The following MGST3 variants were observed in gnomAD, a reference collection of about 807,000 sequenced individuals.
MGST3 encodes the protein glutathione S-transferase 3, mitochondrial.
A neutral mutation model predicts 15.8 loss-of-function variants in MGST3; 13 were observed. The observed-to-expected ratio is 0.82, with a 90% CI of 0.54 to 1.31. The LOEUF is 1.31. MGST3 is among the 50% of genes most tolerant of loss of function. The pLI is 0.00. For missense variants in MGST3, 155 were observed against 192.4 expected (o/e 0.81, Z 1.15); for synonymous variants, 49 against 68.1 (o/e 0.72, Z 1.38).
rs957644 is a variant in MGST3, at chr1:165,646,920, C to T, written c.-7-2921C>T. 43,147 of 152,246 alleles carry T rather than the reference C, an allele frequency of 0.28. 7,126 individuals are homozygous for T. Among genetic ancestry groups the T allele is most frequent in the African/African-American group, 0.44 (18,358 of 41,500 alleles). 9.4% of individuals were successfully genotyped at this position (152,246 alleles called of 1,614,324 possible). ...CGCAGGCAGCTTTTCAGGCATTGCTCCTGCACCTATGCAGACGTGTCCATG... is the reference window on the plus strand; with the variant it reads ...CGCAGGCAGCTTTTCAGGCATTGCTTCTGCACCTATGCAGACGTGTCCATG... On this transcript the variant is annotated intron_variant, in intron 1 of 5. Transcript: ENST00000367889.
intron 5 of MGST3, 147 bp downstream of exon 5, chr1:165,654,498 C>T (rs1044947142): frequency 6.7e-6 from 5 of 750,608 alleles, no homozygotes; most frequent in Non-Finnish European, 1.2e-5. Context: ...GGATACCAGC[C>T]TGGGCAACAT....
chr1:165,645,937 T>TG (rs1648385521), intron 1 of MGST3: 1 of 152,212 alleles, frequency 6.6e-6, no homozygotes, highest in African/African-American at 2.4e-5. Context: ...TGTATTAAAG[T>TG]TCAGCTCAGA....
chr1:165,651,447 C>G (rs540912276), intron 3 of MGST3: 1 of 371,692 alleles, frequency 2.7e-6, no homozygotes, highest in Admixed American at 4.0e-5. Flanking sequence ...GGACCTTCCA[C>G]TTCCATTTGT....
intron 4 of MGST3, 145 bp downstream of exon 4, chr1:165,652,180 A>G: frequency 1.4e-6 from 1 of 726,548 alleles, no homozygotes; most frequent in South Asian, 1.5e-5. Flanking sequence ...ATTATTTCTT[A>G]CAGAGTTCTT....
In MGST3 at chr1:165,652,055, T is replaced by C. The variant is rs749681607; in HGVS notation, c.249+20T>C. The C allele has an allele frequency of 5.1e-6, 8 of 1,576,706 alleles. No homozygotes were observed. Among genetic ancestry groups the C allele is most frequent in the Non-Finnish European group, 7.0e-6 (8 of 1,146,212 alleles). On this transcript the variant is annotated intron_variant, in intron 4 of 5. Transcript: ENST00000367889. ...CACCCGGTAAGTTTTCCAGGAGGTG[T>C]TCATCTATTTGGATAGTAGTTCACT...
chr1:165,634,795 C>CCCTCTCCCTCCCTCCCT (rs1465249149), intron 1 of MGST3, among the ~76,000 whole-genome samples: 1 of 127,896 alleles, frequency 7.8e-6, no homozygotes, highest in South Asian at 3.1e-4. Context: ...CTCCCTCCCT[C>CCCTCTCCCTCCCTCCCT]CCCCCCACTC....
chr1:165,649,576 G>A, intron 1 of MGST3: 1 of 420,304 alleles, frequency 2.4e-6, no homozygotes, highest in South Asian at 2.5e-5. Context: ...TCATAATGTT[G>A]ATCAGAATCT....
intron 1 of MGST3, among the ~76,000 whole-genome samples, chr1:165,642,169 G>A (rs1169175446): frequency 6.6e-6 from 1 of 152,206 alleles, no homozygotes; most frequent in Non-Finnish European, 1.5e-5. Flanking sequence ...TGTGTCCCCT[G>A]CTAGAAAATG....
At chr1:165,632,324 T>C (rs755960630) in intron 1 of MGST3, 1 of 1,602,884 alleles carries the variant, frequency 6.2e-7, no homozygotes, top group Non-Finnish European at 8.5e-7. Flanking sequence ...CTGCAGATTT[T>C]AGATTGCTGG....
intron 1 of MGST3, among the ~76,000 whole-genome samples, chr1:165,633,962 G>C (rs1003968890): frequency 6.6e-6 from 1 of 151,090 alleles, no homozygotes; most frequent in Non-Finnish European, 1.5e-5. Context: ...TACTTCTTTT[G>C]TCATACTGCA....
At position 165,655,383 on chromosome 1, in the gene MGST3, G is replaced by A; in HGVS notation, c.338G>A (p.Ser113Asn). ...GYYTGEPSKRSRGALGSIALL... is the reference protein window; with the variant it reads ...GYYTGEPSKRNRGALGSIALL... Reference sequence around the variant, plus strand: ...TCTTTTTCAGAACCCAGCAAGCGTAGTCGAGGAGCCCTGGGGTCCATCGCC... The same window carrying A: ...TCTTTTTCAGAACCCAGCAAGCGTAATCGAGGAGCCCTGGGGTCCATCGCC... Residue 113 changes from serine to asparagine, a missense_variant, in exon 6 of 6, where the codon AGT becomes AAT. Physicochemically the swap from Ser to Asn is conservative, Grantham distance 46. Transcript: ENST00000367889. 6.2e-7 allele frequency: 1 copy of A among 1,614,018 alleles called. No individual in the cohort carries two copies. The highest frequency in any genetic ancestry group is 1.1e-5 in the South Asian group (1 of 91,072).
Position 165,655,582 on chromosome 1 carries a change from A to G in MGST3, c.*78A>G, listed in dbSNP as rs964976951. ...TTCCAGTTACATTTTTTTTCTAAATATAATAAAAACTTACCTGGCATCAGC... is the reference window on the plus strand; with the variant it reads ...TTCCAGTTACATTTTTTTTCTAAATGTAATAAAAACTTACCTGGCATCAGC... On this transcript the variant is annotated 3_prime_UTR_variant, in exon 6 of 6. Transcript: ENST00000367889. 24 of 1,566,164 alleles carry G rather than the reference A, an allele frequency of 1.5e-5. No individual in the cohort carries two copies. The Admixed American group carries it at 3.8e-4, about 25-fold the overall frequency.
At chr1:165,643,324 C>G (rs1225339268) in intron 1 of MGST3, among the ~76,000 whole-genome samples, 1 of 152,050 alleles carries the variant, frequency 6.6e-6, no homozygotes, top group Non-Finnish European at 1.5e-5. Context: ...ATAAATATTG[C>G]TGAAGTAAAT....
chr1:165,647,408 A>G (rs1288491402), intron 1 of MGST3: 1 of 152,240 alleles, frequency 6.6e-6, no homozygotes, highest in Non-Finnish European at 1.5e-5. Context: ...CTAAGCCACC[A>G]AATTTGAATG....
chr1:165,652,059 T>A, intron 4 of MGST3, 24 bp downstream of exon 4: 1 of 1,550,858 alleles, frequency 6.4e-7, no homozygotes, highest in South Asian at 1.1e-5. Flanking sequence ...GAGGTGTTCA[T>A]CTATTTGGAT....
At chr1:165,638,723 C>T (rs1356873158) in intron 1 of MGST3, among the ~76,000 whole-genome samples, 2 of 150,532 alleles carry the variant, frequency 1.3e-5, no homozygotes, top group Non-Finnish European at 2.9e-5. Flanking sequence ...GTGGAGGTTG[C>T]AGTGAGCCAA....
At position 165,639,764 on chromosome 1, in the gene MGST3, C is replaced by G. The variant is rs368870725; in HGVS notation, c.-8+8471C>G. Among the ~76,000 whole-genome samples the G allele has an allele frequency of 1.3e-4, 20 of 152,262 alleles. 1 individual carries two copies. The East Asian group carries it at 2.7e-3, about 21-fold the overall frequency. ...GCTGCAGTGAGCTGAGATAGCACCC[C>G]TACACTCCAGCCTTGGTGACAGAGC... On this transcript the variant is annotated intron_variant, in intron 1 of 5. Coordinates refer to ENST00000367889, the MANE Select transcript of MGST3 (RefSeq NM_004528.4).
chr1:165,650,187 G>T (rs9333468), intron 2 of MGST3: 522,780 of 589,554 alleles, frequency 0.89, 232,339 homozygotes, highest in East Asian at 1. Flanking sequence ...TTGTCTCTTC[G>T]GTAGAAAGAC....
intron 1 of MGST3, among the ~76,000 whole-genome samples, chr1:165,637,970 C>T (rs776256768): frequency 6.6e-6 from 1 of 152,148 alleles, no homozygotes; most frequent in Non-Finnish European, 1.5e-5. Context: ...AGCCCTGCTG[C>T]TTACCAGGGC....
Sources: gnomAD v4.1 joint callset for allele counts (sites outside exome capture counted in the v4.1 genomes callset) on GRCh38, gnomAD v4.1.1 for gene constraint, MANE v1.5 for transcripts, NCBI Gene and HGNC (gene_info 2026-07-23, HGNC 2026-07-21) for gene names.